Variants in USP15 observed in about 807,000 individuals in gnomAD.
The protein encoded by USP15 is ubiquitin specific peptidase 15.
A neutral mutation model predicts 127.1 loss-of-function variants in USP15; 18 were observed. The observed-to-expected ratio is 0.14, with a 90% CI of 0.10 to 0.21. USP15 has a LOEUF of 0.21. USP15 is among the 10% of genes least tolerant of loss of function. The pLI is 1.00. For missense variants in USP15, 805 were observed against 1,159.9 expected, an observed-to-expected ratio of 0.69 and a Z score of 4.44; for synonymous variants, 364 against 393.7, an observed-to-expected ratio of 0.92 and a Z score of 0.89.
Position 62,404,517 on chromosome 12 carries a change from C to T in USP15, c.*142C>T. On this transcript the variant is annotated 3_prime_UTR_variant, in exon 22 of 22. Transcript: ENST00000280377. ...ATGTAAATCCTTTATCAGATTTTAA[C>T]TTGTGCAGTACTTGAAGTGAAACAC... is the stretch of plus-strand genomic sequence containing the variant. 8.1e-7 allele frequency: 1 copy of T among 1,236,516 alleles called. No homozygotes were observed. Among genetic ancestry groups the T allele is most frequent in the Non-Finnish European group, 1.1e-6 (1 of 935,150 alleles). 76.6% of individuals were successfully genotyped at this position (1,236,516 alleles called of 1,614,324 possible). A position where few individuals can be genotyped will look rare whatever the true frequency, so the allele number is the denominator to read the frequency against.
intron 8 of USP15, among the ~76,000 whole-genome samples, chr12:62,366,504 A>G (rs560945685): frequency 2.0e-5 from 3 of 152,178 alleles, no homozygotes; most frequent in African/African-American, 7.2e-5. Context: ...CAACAGAGAC[A>G]ATTTGACTTC....
At chr12:62,335,996 CTAGGAGG>C in intron 6 of USP15, 1 of 984,842 alleles carries the variant, frequency 1.0e-6, no homozygotes, top group Non-Finnish European at 1.2e-6. Flanking sequence ...GTGCACAGCT[CTAGGAGG>C]CATCATTCAT....
rs146488411 is a variant in USP15 at position 62,319,019 on chromosome 12, A to G, written c.476-2445A>G. 1.8e-3 allele frequency among the ~76,000 whole-genome samples: 268 copies of G among 152,318 alleles called. 1 individual carries two copies. Among genetic ancestry groups the G allele is most frequent in the African/African-American group, 6.4e-3 (264 of 41,562 alleles). ...TGAATTAGTCCATTCTCGCACTGCT[A>G]TAAAGAACTACTGGAGACTAGGTAA... On this transcript the variant is annotated intron_variant, in intron 4 of 21. Coordinates refer to ENST00000280377, the MANE Select transcript of USP15 (RefSeq NM_001252078.2).
intron 1 of USP15, among the ~76,000 whole-genome samples, chr12:62,289,697 T>TG (rs2063898374): frequency 3.7e-5 from 5 of 135,430 alleles, no homozygotes; most frequent in South Asian, 5.0e-4. Flanking sequence ...GGTTGTTAAT[T>TG]TGTGTGTGTG....
chr12:62,326,822 A>G (rs1264906087), intron 6 of USP15, among the ~76,000 whole-genome samples: 2 of 152,174 alleles, frequency 1.3e-5, no homozygotes, highest in Non-Finnish European at 2.9e-5. Context: ...AAAATCTGCT[A>G]CTTTATTTGA....
chr12:62,335,054 C>A (rs904609197), intron 6 of USP15: 3 of 957,560 alleles, frequency 3.1e-6, no homozygotes, highest in Non-Finnish European at 4.7e-6. Context: ...TCTGAGGGCA[C>A]GATATGTTAC....
At chr12:62,385,787 C>A (rs1002922294) in intron 11 of USP15, among the ~76,000 whole-genome samples, 1 of 152,040 alleles carries the variant, frequency 6.6e-6, no homozygotes, top group Non-Finnish European at 1.5e-5. Flanking sequence ...CACATCCTTA[C>A]CTCTCTAGTT....
chr12:62,390,912 A>G lies in USP15; in HGVS notation c.1893A>G (p.Leu631=). 1 of 1,612,900 alleles carries G rather than the reference A, an allele frequency of 6.2e-7. No individual in the cohort carries two copies. Among genetic ancestry groups the G allele is most frequent in the South Asian group, 1.1e-5 (1 of 90,930 alleles). The change falls in exon 15 of 22, where the codon CTA becomes CTG. Residue 631 remains leucine, a synonymous_variant. Coordinates refer to ENST00000280377, the MANE Select transcript of USP15 (RefSeq NM_001252078.2). ...AAACTGAAGAAACTGAAGGATCCCT[A>G]CACTGCTGTAAGGACCAAAATATTA... is the stretch of plus-strand genomic sequence containing the variant. ...STETEETEGS[L]HCCKDQNING... is the part of the protein sequence containing the mutation.
rs1336926015 is a variant in USP15 at position 62,382,803 on chromosome 12, T to G, written c.1090-1037T>G. Among the ~76,000 whole-genome samples, 12 of 151,978 alleles carry G rather than the reference T, an allele frequency of 7.9e-5. No homozygotes were observed. The South Asian group carries it at 2.5e-3, about 31-fold the overall frequency. On this transcript the variant is annotated intron_variant, in intron 9 of 21. Coordinates refer to ENST00000280377, the MANE Select transcript of USP15 (RefSeq NM_001252078.2). ...ATAGAAACTAAGTGAGAGCCTAGAG[T>G]AGTTATCTTAAAAATGCTTTCAGAT...
chr12:62,360,880 C>T (rs1030034422), intron 8 of USP15, among the ~76,000 whole-genome samples: 1 of 151,590 alleles, frequency 6.6e-6, no homozygotes, highest in Non-Finnish European at 1.5e-5. Context: ...CCAGAAATTA[C>T]ATAGCAAATT....
chr12:62,397,955 T>C (rs574757381), intron 20 of USP15, among the ~76,000 whole-genome samples: 117 of 151,394 alleles, frequency 7.7e-4, no homozygotes, highest in Middle Eastern at 3.4e-3. Flanking sequence ...TGTTATTGTA[T>C]GTATTTATAC....
intron 6 of USP15, among the ~76,000 whole-genome samples, chr12:62,333,883 A>T (rs1388204856): frequency 1.3e-5 from 2 of 152,154 alleles, no homozygotes; most frequent in Non-Finnish European, 2.9e-5. Context: ...GAGCATCCTG[A>T]GGTAATGAAG....
In USP15 at chr12:62,326,429, C is replaced by G. The variant is rs570662175; in HGVS notation, c.683+496C>G. ...TTTATCTGTTTTAGAACTAATAGAT[C>G]TACACTCCATTATCAAAACACAAGG... On this transcript the variant is annotated intron_variant, in intron 6 of 21. Coordinates refer to ENST00000280377, the MANE Select transcript of USP15 (RefSeq NM_001252078.2). Among the ~76,000 whole-genome samples, 7 of 152,230 alleles carry G rather than the reference C, an allele frequency of 4.6e-5. No homozygotes were observed. In the East Asian group the frequency reaches 1.4e-3, roughly 29 times the overall value.
chr12:62,260,457 G>T lies in USP15; in HGVS notation c.43G>T (p.Asp15Tyr). The change falls in exon 1 of 22, where the codon GAC (aspartate) becomes TAC (tyrosine). Residue 15 changes from aspartate to tyrosine, a missense_variant. Physicochemically the swap from Asp to Tyr is radical, Grantham distance 160. Around this residue, in one of 11 missense-constraint regions of USP15, gnomAD observed 45 missense variants for 37.8 expected, o/e 1.19. Coordinates refer to ENST00000280377, the MANE Select transcript of USP15 (RefSeq NM_001252078.2). ...GAADLDTQRS[D>Y]IATLLKTSLR... ...GGCGGATCTGGACACCCAGCGGTCTGACATCGCGACGCTGCTCAAAACCTC... is the reference window on the plus strand; with the variant it reads ...GGCGGATCTGGACACCCAGCGGTCTTACATCGCGACGCTGCTCAAAACCTC... 6.4e-7 allele frequency: 1 copy of T among 1,552,190 alleles called. No individual in the cohort carries two copies.
intron 6 of USP15, among the ~76,000 whole-genome samples, chr12:62,343,530 C>T (rs952982033): frequency 6.6e-6 from 1 of 152,186 alleles, no homozygotes; most frequent in Non-Finnish European, 1.5e-5. Flanking sequence ...AAACCCAGGG[C>T]CCTGGTGGTG....
At position 62,325,425 on chromosome 12, in the gene USP15, G is replaced by A. The variant is rs187872245; in HGVS notation, c.622-447G>A. 5.3e-3 allele frequency among the ~76,000 whole-genome samples: 812 copies of A among 152,032 alleles called. 4 individuals carry two copies. The highest frequency in any genetic ancestry group is 9.5e-3 in the Non-Finnish European group (643 of 67,884). On this transcript the variant is annotated intron_variant, in intron 5 of 21. Coordinates refer to ENST00000280377, the MANE Select transcript of USP15 (RefSeq NM_001252078.2). ...TTTGGAATTATCTGTGTCGCCCTTCGTCTGCATTTGCATAAAAATAAGTTA... is the reference window on the plus strand; with the variant it reads ...TTTGGAATTATCTGTGTCGCCCTTCATCTGCATTTGCATAAAAATAAGTTA...
At chr12:62,391,963 T>G (rs1357070418) in intron 17 of USP15, 77 bp downstream of exon 17, 1 of 1,331,084 alleles carries the variant, frequency 7.5e-7, no homozygotes, top group African/African-American at 1.5e-5. Flanking sequence ...CATACTGTTG[T>G]GTTACACTCT....
rs533410445 is a variant in USP15, at chr12:62,409,140, A to G, written c.*4765A>G. 6.6e-6 allele frequency: 1 copy of G among 152,318 alleles called. No homozygotes were observed. Among genetic ancestry groups the G allele is most frequent in the African/African-American group, 2.4e-5 (1 of 41,588 alleles). 9.4% of individuals were successfully genotyped at this position (152,318 alleles called of 1,614,324 possible). On this transcript the variant is annotated 3_prime_UTR_variant, in exon 22 of 22. Coordinates refer to ENST00000280377, the MANE Select transcript of USP15 (RefSeq NM_001252078.2). ...ACAGTTCAAAAATTATTTTTGGAAAATATATGCATCGGGAAACATACCCCA... is the reference window on the plus strand; with the variant it reads ...ACAGTTCAAAAATTATTTTTGGAAAGTATATGCATCGGGAAACATACCCCA...
Position 62,380,545 on chromosome 12 carries a change from G to A in USP15, c.916-945G>A, listed in dbSNP as rs1351126033. Reference sequence around the variant, plus strand: ...TGTGAATCCAGGCTCTCATAAGAGTGAGTTTCTACTATTTTCCATGCAAGC... The same window carrying A: ...TGTGAATCCAGGCTCTCATAAGAGTAAGTTTCTACTATTTTCCATGCAAGC... On this transcript the variant is annotated intron_variant, in intron 8 of 21. Transcript: ENST00000280377. 2.0e-5 allele frequency among the ~76,000 whole-genome samples: 3 copies of A among 151,968 alleles called. No individual in the cohort carries two copies. The East Asian group carries it at 5.8e-4, about 29-fold the overall frequency.
Sources: gnomAD v4.1 joint callset for allele counts (sites outside exome capture counted in the v4.1 genomes callset) on GRCh38, gnomAD v4.1.1 for gene constraint, gnomAD v4.1.1 regional missense constraint, MANE v1.5 for transcripts, NCBI Gene and HGNC (gene_info 2026-07-23, HGNC 2026-07-21) for gene names.